The following CPA6 variants were observed in gnomAD, a reference collection of about 807,000 sequenced individuals.
CPA6 encodes carboxypeptidase A6.
CPA6 carries 58 observed loss-of-function variants against 63.3 expected under a neutral mutation model. The ratio of observed to expected loss-of-function variants is 0.92; its 90% confidence interval spans 0.74 to 1.14. CPA6 has a LOEUF of 1.14. Among genes scored for constraint, CPA6 ranks in the 50% most tolerant of loss-of-function variants. The pLI, the probability that CPA6 is intolerant of heterozygous loss-of-function variation, is 0.00. For synonymous variants in CPA6, 185 were observed against 179.0 expected, an observed-to-expected ratio of 1.03 and a Z score of -0.27; for missense variants, 565 against 526.6, an observed-to-expected ratio of 1.07 and a Z score of -0.71.
intron 8 of CPA6, among the ~76,000 whole-genome samples, chr8:67,476,930 T>C (rs941416524): frequency 5.9e-5 from 9 of 152,142 alleles, no homozygotes; most frequent in African/African-American, 1.9e-4. Flanking sequence ...TCAACAATGG[T>C]GAGCAAATCC....
chr8:67,559,249 A>G (rs2128974164), intron 2 of CPA6, among the ~76,000 whole-genome samples: 1 of 152,262 alleles, frequency 6.6e-6, no homozygotes, highest in South Asian at 2.1e-4. Flanking sequence ...ACCTCATAAG[A>G]TCAGTATCAA....
intron 1 of CPA6, among the ~76,000 whole-genome samples, chr8:67,627,060 T>C (rs1051355869): frequency 6.6e-6 from 1 of 152,146 alleles, no homozygotes; most frequent in African/African-American, 2.4e-5. Context: ...GGTGTGACTT[T>C]AGAAATGAAT....
intron 1 of CPA6, among the ~76,000 whole-genome samples, chr8:67,730,375 T>C (rs62511418): frequency 0.04 from 6,146 of 152,256 alleles, 170 homozygotes; most frequent in Non-Finnish European, 0.053. Context: ...TCCCAGAACT[T>C]CCAGACCCTC....
chr8:67,555,259 AG>A (rs1281329551), intron 2 of CPA6, among the ~76,000 whole-genome samples: 1 of 152,192 alleles, frequency 6.6e-6, no homozygotes, highest in Non-Finnish European at 1.5e-5. Flanking sequence ...GTGTAACTGG[AG>A]GTTGGAACTT....
At chr8:67,436,210 G>A (rs1204405195) in intron 8 of CPA6, among the ~76,000 whole-genome samples, 1 of 152,122 alleles carries the variant, frequency 6.6e-6, no homozygotes, top group Non-Finnish European at 1.5e-5. Flanking sequence ...CACAGAGGCT[G>A]AGTGGACAGT....
intron 1 of CPA6, among the ~76,000 whole-genome samples, chr8:67,634,231 T>G (rs1449065322): frequency 1.4e-5 from 2 of 147,152 alleles, no homozygotes; most frequent in African/African-American, 2.5e-5. Context: ...TTATTTGTTT[T>G]TTTTTTGAGA....
At chr8:67,483,542 G>A in intron 8 of CPA6, 1 of 555,502 alleles carries the variant, frequency 1.8e-6, no homozygotes, top group South Asian at 2.4e-5. Context: ...CAGTTTTCAG[G>A]ACCGAATTGA....
intron 8 of CPA6, among the ~76,000 whole-genome samples, chr8:67,469,687 A>G (rs1210307965): frequency 6.6e-6 from 1 of 152,326 alleles, no homozygotes; most frequent in East Asian, 1.9e-4. Flanking sequence ...TCAGACTTGA[A>G]CTGCAACGTG....
intron 2 of CPA6, among the ~76,000 whole-genome samples, chr8:67,534,111 T>C (rs1812533811): frequency 6.6e-6 from 1 of 152,186 alleles, no homozygotes; most frequent in African/African-American, 2.4e-5. Context: ...AATGTTCCCC[T>C]TGGAATGGAA....
At chr8:67,593,602 G>A (rs578206488) in intron 2 of CPA6, among the ~76,000 whole-genome samples, 1 of 152,292 alleles carries the variant, frequency 6.6e-6, no homozygotes, top group Non-Finnish European at 1.5e-5. Flanking sequence ...AGGATATTTA[G>A]CTCTTCTTGT....
rs1158736881 is a variant in CPA6, at chr8:67,669,784, T to C, written c.117-45533A>G. Among the ~76,000 whole-genome samples, 9 of 142,540 alleles carry C rather than the reference T, an allele frequency of 6.3e-5. No individual in the cohort carries two copies. The East Asian group carries it at 1.4e-3, about 22-fold the overall frequency. 93.5% of individuals were successfully genotyped at this position (142,540 alleles called of 152,430 possible). A position where few individuals can be genotyped will look rare whatever the true frequency, so the allele number is the denominator to read the frequency against. ...TAAGAGCAAAAGGAAATATGAAAAA[T>C]TATCTAAAGACAAAAAAAAAAACAA... On this transcript the variant is annotated intron_variant, in intron 1 of 10. Coordinates refer to ENST00000297770, the MANE Select transcript of CPA6 (RefSeq NM_020361.5).
At chr8:67,593,897 T>G (rs1480074125) in intron 2 of CPA6, among the ~76,000 whole-genome samples, 1 of 148,852 alleles carries the variant, frequency 6.7e-6, no homozygotes, top group Non-Finnish European at 1.5e-5. Context: ...AAAGTTAATA[T>G]TGTTATGTGT....
At chr8:67,727,352 C>G (rs1817615944) in intron 1 of CPA6, among the ~76,000 whole-genome samples, 1 of 152,136 alleles carries the variant, frequency 6.6e-6, no homozygotes, top group African/African-American at 2.4e-5. Context: ...GCATGTTGAG[C>G]ACTTTTGAAT....
chr8:67,487,900 G>C (rs1477391015), intron 6 of CPA6, among the ~76,000 whole-genome samples: 1 of 151,874 alleles, frequency 6.6e-6, no homozygotes, highest in Non-Finnish European at 1.5e-5. Flanking sequence ...CTTTTTGATG[G>C]GATTGTTTTT....
intron 1 of CPA6, among the ~76,000 whole-genome samples, chr8:67,659,683 G>A (rs1816065993): frequency 1.3e-5 from 2 of 152,162 alleles, no homozygotes; most frequent in Admixed American, 1.3e-4. Context: ...ACTGCCCTGA[G>A]GTCCTACTCT....
intron 1 of CPA6, among the ~76,000 whole-genome samples, chr8:67,700,920 T>C (rs1817010539): frequency 6.6e-6 from 1 of 152,288 alleles, no homozygotes; most frequent in African/African-American, 2.4e-5. Flanking sequence ...ACTAACCTTC[T>C]TTATGCCAGA....
At chr8:67,649,228 T>C (rs890938008) in intron 1 of CPA6, among the ~76,000 whole-genome samples, 2 of 152,210 alleles carry the variant, frequency 1.3e-5, no homozygotes, top group Non-Finnish European at 2.9e-5. Flanking sequence ...TTATTTCAAA[T>C]GATATTGGAA....
intron 2 of CPA6, among the ~76,000 whole-genome samples, chr8:67,552,665 C>T (rs1461108258): frequency 6.8e-6 from 1 of 146,976 alleles, no homozygotes; most frequent in Non-Finnish European, 1.5e-5. Flanking sequence ...CCCAGCTACT[C>T]GGGAGGCTGA....
chr8:67,424,905 ACT>A (rs1324531680), intron 10 of CPA6, among the ~76,000 whole-genome samples: 2 of 151,968 alleles, frequency 1.3e-5, no homozygotes, highest in Non-Finnish European at 2.9e-5. Context: ...GTGACCTCAC[ACT>A]CTCTAGCTTT....
Sources: allele counts gnomAD v4.1 joint callset (sites outside exome capture counted in the v4.1 genomes callset), GRCh38; gene constraint gnomAD v4.1.1; transcripts MANE v1.5; gene names NCBI Gene and HGNC (gene_info 2026-07-23, HGNC 2026-07-21).